Variants in GRAMD4 observed in about 807,000 individuals in gnomAD.
The protein encoded by GRAMD4 is GRAM domain-containing protein 4.
A neutral mutation model predicts 83.9 loss-of-function variants in GRAMD4; 25 were observed. That is an observed-to-expected ratio of 0.30 (90% CI 0.22 to 0.42). The LOEUF (loss-of-function observed/expected upper bound fraction) is 0.42, where lower values mean the gene tolerates loss of function less well. GRAMD4 is among the 10% of genes least tolerant of loss of function. The probability of loss-of-function intolerance (pLI) is 1.00; values close to 1 mark genes in which losing one functional copy is unlikely to be tolerated. For synonymous variants in GRAMD4, 336 were observed against 320.9 expected (o/e 1.05, Z -0.50); for missense variants, 593 against 788.7 (o/e 0.75, Z 2.97).
intron 1 of GRAMD4, among the ~76,000 whole-genome samples, chr22:46,613,455 A>G (rs1357297954): frequency 1.3e-5 from 2 of 152,168 alleles, no homozygotes; most frequent in Admixed American, 1.3e-4. Context: ...CCAGGATGCA[A>G]CCCCTAGCCC....
In GRAMD4 at chr22:46,672,187, G is replaced by A. The variant is rs541944398; in HGVS notation, c.1085-656G>A. Among the ~76,000 whole-genome samples the A allele has an allele frequency of 6.6e-6, 1 of 152,366 alleles. No homozygotes were observed. Among genetic ancestry groups the A allele is most frequent in the Non-Finnish European group, 1.5e-5 (1 of 68,034 alleles). ...CATCCCTGCATCTGTTGCCAGGTGG[G>A]GTCCTGGGGCGCAGTCAGGCCTGGC... On this transcript the variant is annotated intron_variant, in intron 13 of 18. Coordinates refer to ENST00000406902, the MANE Select transcript of GRAMD4 (RefSeq NM_015124.5). The surrounding 1 kb of genome is among the most constrained non-coding windows in gnomAD (Gnocchi z 4.7).
intron 1 of GRAMD4, among the ~76,000 whole-genome samples, chr22:46,607,916 G>A (rs577741351): frequency 4.9e-4 from 75 of 152,294 alleles, no homozygotes; most frequent in African/African-American, 1.7e-3. Flanking sequence ...GCTCCTCTGA[G>A]CACCTTCCTG....
chr22:46,662,708 A>G (rs1017982923), intron 5 of GRAMD4, among the ~76,000 whole-genome samples: 1 of 152,044 alleles, frequency 6.6e-6, no homozygotes, highest in Non-Finnish European at 1.5e-5. Flanking sequence ...AGCAGCCTGG[A>G]TGGACAGGCT....
intron 3 of GRAMD4, among the ~76,000 whole-genome samples, chr22:46,647,330 A>G (rs1032288372): frequency 1.3e-5 from 2 of 152,196 alleles, no homozygotes; most frequent in Admixed American, 1.3e-4. Context: ...CCATTGCCCC[A>G]TGAACTCCTG....
intron 1 of GRAMD4, among the ~76,000 whole-genome samples, chr22:46,588,709 C>G (rs1285241462): frequency 7.0e-6 from 1 of 143,072 alleles, no homozygotes; most frequent in Non-Finnish European, 1.5e-5. Flanking sequence ...GATCCAGGAG[C>G]CCCAGCACCG....
chr22:46,616,493 C>A (rs1309140307), upstream of GRAMD4, among the ~76,000 whole-genome samples: 1 of 124,800 alleles, frequency 8.0e-6, no homozygotes. Flanking sequence ...TCGGTTCCCC[C>A]GTGTGTAGGT....
upstream of GRAMD4, among the ~76,000 whole-genome samples, chr22:46,619,142 T>G (rs1242508822): frequency 2.0e-5 from 3 of 152,178 alleles, no homozygotes; most frequent in Admixed American, 2.0e-4. Context: ...TGTCATCAGT[T>G]GTGAGCCGAC....
intron 3 of GRAMD4, among the ~76,000 whole-genome samples, chr22:46,652,906 C>T (rs1468886426): frequency 2.0e-5 from 3 of 152,188 alleles, no homozygotes; most frequent in Non-Finnish European, 4.4e-5. Flanking sequence ...CAGCTGTGCT[C>T]GGCACACTGC....
chr22:46,670,890 A>T (rs941784637), intron 13 of GRAMD4, among the ~76,000 whole-genome samples: 1 of 150,622 alleles, frequency 6.6e-6, no homozygotes, highest in African/African-American at 2.4e-5. Flanking sequence ...GGCGTGAGCC[A>T]CTGCGCCCGG....
chr22:46,670,150 C>T (rs948157144), intron 13 of GRAMD4, among the ~76,000 whole-genome samples: 2 of 152,216 alleles, frequency 1.3e-5, no homozygotes, highest in East Asian at 1.9e-4. Context: ...TGGCGTGCTG[C>T]GCAGAGGAGC....
chr22:46,645,952 G>T (rs2082066390), intron 3 of GRAMD4, among the ~76,000 whole-genome samples: 1 of 152,208 alleles, frequency 6.6e-6, no homozygotes, highest in Non-Finnish European at 1.5e-5. Context: ...TGCACACACA[G>T]CCTCTACCCA....
chr22:46,674,402 C>G (rs1236156002), intron 15 of GRAMD4, among the ~76,000 whole-genome samples: 7 of 152,204 alleles, frequency 4.6e-5, no homozygotes, highest in Non-Finnish European at 1.0e-4. Context: ...CACACTGTGA[C>G]TTCTGTTGCT....
At chr22:46,618,240 C>A (rs914250655), upstream of GRAMD4, among the ~76,000 whole-genome samples, 1 of 152,062 alleles carries the variant, frequency 6.6e-6, no homozygotes, top group Non-Finnish European at 1.5e-5. The surrounding 1 kb of genome is among the most constrained non-coding windows in gnomAD (Gnocchi z 5.8). Flanking sequence ...AGAGCCGAGC[C>A]CCTGGAGACT....
upstream of GRAMD4, among the ~76,000 whole-genome samples, chr22:46,620,038 A>G (rs2081551518): frequency 6.6e-6 from 1 of 151,970 alleles, no homozygotes; most frequent in African/African-American, 2.4e-5. The surrounding 1 kb of genome is among the most constrained non-coding windows in gnomAD (Gnocchi z 4.7). Flanking sequence ...AGGGACCCAG[A>G]ACTCGGAGAG....
chr22:46,669,274 A>G (rs1305225943), intron 13 of GRAMD4, among the ~76,000 whole-genome samples: 5 of 152,138 alleles, frequency 3.3e-5, no homozygotes, highest in African/African-American at 1.2e-4. Context: ...AGAGCCTGAG[A>G]GCCTGGTTTG....
chr22:46,677,910 C>T lies in GRAMD4; in HGVS notation c.*659C>T. On this transcript the variant is annotated 3_prime_UTR_variant, in exon 19 of 19. Transcript: ENST00000406902. The stretch of plus-strand genomic sequence containing the variant: ...TGAGAAGGGCCCACCCCTCGCCTGC[C>T]CTCAGTGTCTTTGGTGGCACCTTCC... 1.0e-6 allele frequency: 1 copy of T among 985,184 alleles called. No individual in the cohort carries two copies. The highest frequency in any genetic ancestry group is 1.2e-6 in the Non-Finnish European group (1 of 829,632). 61.0% of individuals were successfully genotyped at this position (985,184 alleles called of 1,614,324 possible).
intron 1 of GRAMD4, among the ~76,000 whole-genome samples, chr22:46,611,343 A>G (rs1450884546): frequency 6.6e-6 from 1 of 152,064 alleles, no homozygotes. Context: ...TAATAGAGGC[A>G]TATGCTGGGG....
At chr22:46,643,166 T>C (rs2082009521) in intron 3 of GRAMD4, among the ~76,000 whole-genome samples, 4 of 151,952 alleles carry the variant, frequency 2.6e-5, no homozygotes, top group African/African-American at 7.2e-5. Context: ...CATCCATCCA[T>C]CCATCCATCC....
chr22:46,591,990 CAGGCTTGACACAGCA>C (rs2081214617), intron 1 of GRAMD4, among the ~76,000 whole-genome samples: 1 of 150,712 alleles, frequency 6.6e-6, no homozygotes, highest in African/African-American at 2.4e-5. Context: ...CCTGTGCCTG[CAGGCTTGACACAGCA>C]AGGCCCTCCC....
Sources: gnomAD v4.1 joint callset for allele counts (sites outside exome capture counted in the v4.1 genomes callset) on GRCh38, gnomAD v4.1.1 for gene constraint, Gnocchi (gnomAD v3.1) non-coding constraint, MANE v1.5 for transcripts, NCBI Gene and HGNC (gene_info 2026-07-23, HGNC 2026-07-21) for gene names.